INPP5D: variants seen among roughly 807,000 people sequenced by gnomAD.
The protein encoded by INPP5D is phosphatidylinositol 3,4,5-trisphosphate 5-phosphatase 1.
A neutral mutation model predicts 122.9 loss-of-function variants in INPP5D; 33 were observed. The ratio of observed to expected loss-of-function variants is 0.27; its 90% CI spans 0.20 to 0.36. INPP5D has a LOEUF of 0.36. INPP5D is among the 10% of genes least tolerant of loss of function. The probability of loss-of-function intolerance (pLI) is 1.00; values close to 1 mark genes in which losing one functional copy is unlikely to be tolerated. For missense variants in INPP5D, 1,053 were observed against 1,412.7 expected (o/e 0.75, Z 4.08); for synonymous variants, 584 against 576.2 (o/e 1.01, Z -0.19).
chr2:233,123,475 C>T (rs1287953665), intron 3 of INPP5D, among the ~76,000 whole-genome samples: 1 of 147,644 alleles, frequency 6.8e-6, no homozygotes. Flanking sequence ...AAAAATTATA[C>T]AGTCCCTAAA....
At chr2:233,060,643 A>C (rs1254205512) in intron 1 of INPP5D, 31 bp downstream of exon 1, 2 of 1,611,618 alleles carry the variant, frequency 1.2e-6, no homozygotes, top group Admixed American at 1.7e-5. Flanking sequence ...CCCCGGGCAC[A>C]GATATGACAG....
At chr2:233,126,726 A>T (rs1045655211) in intron 4 of INPP5D, among the ~76,000 whole-genome samples, 1 of 152,100 alleles carries the variant, frequency 6.6e-6, no homozygotes. Context: ...TCAAGACCAG[A>T]CTAACCAACA....
chr2:233,173,915 G>T (rs1285569505), intron 17 of INPP5D, among the ~76,000 whole-genome samples: 2 of 151,924 alleles, frequency 1.3e-5, no homozygotes, highest in Non-Finnish European at 2.9e-5. Flanking sequence ...CCTGGAGCAA[G>T]GCTCCGTCTC....
intron 2 of INPP5D, among the ~76,000 whole-genome samples, chr2:233,081,872 T>G (rs562400151): frequency 1.3e-5 from 2 of 152,166 alleles, no homozygotes; most frequent in African/African-American, 4.8e-5. Context: ...AGGAGTCTGA[T>G]GGCTCAGCCT....
intron 2 of INPP5D, among the ~76,000 whole-genome samples, chr2:233,111,961 G>C (rs532978334): frequency 1.3e-5 from 2 of 151,926 alleles, no homozygotes; most frequent in East Asian, 1.9e-4. Context: ...TACTTGGGGG[G>C]GCTGAGGTGT....
At chr2:233,152,418 G>C (rs765324324) in intron 9 of INPP5D, among the ~76,000 whole-genome samples, 16 of 152,198 alleles carry the variant, frequency 1.1e-4, no homozygotes, top group Non-Finnish European at 1.8e-4. Context: ...TGCTATGCAG[G>C]TACCAGGCTT....
intron 18 of INPP5D, among the ~76,000 whole-genome samples, chr2:233,178,114 G>A (rs570340496): frequency 1.3e-5 from 2 of 152,144 alleles, no homozygotes; most frequent in East Asian, 3.9e-4. Context: ...AAATAATTAT[G>A]GAATAAGTTA....
chr2:233,067,393 C>T (rs768426534), intron 1 of INPP5D, among the ~76,000 whole-genome samples: 1 of 152,214 alleles, frequency 6.6e-6, no homozygotes. Flanking sequence ...CCAGGGCTGA[C>T]TAATGAGCCA....
intron 20 of INPP5D, among the ~76,000 whole-genome samples, chr2:233,185,131 C>T (rs1398295892): frequency 1.3e-5 from 2 of 151,902 alleles, no homozygotes; most frequent in Non-Finnish European, 2.9e-5. Flanking sequence ...TGTGTCCAGC[C>T]GTCTTCGCTG....
chr2:233,204,921 C>G, intron 26 of INPP5D: 2 of 836,792 alleles, frequency 2.4e-6, no homozygotes, highest in East Asian at 6.4e-5. Flanking sequence ...GATTTGAACC[C>G]AGGTCTGCCT....
At chr2:233,087,969 T>C (rs965413984) in intron 2 of INPP5D, among the ~76,000 whole-genome samples, 2 of 152,132 alleles carry the variant, frequency 1.3e-5, no homozygotes, top group Admixed American at 1.3e-4. Flanking sequence ...CAGCATTGAA[T>C]TGAGCTCCTC....
intron 13 of INPP5D, among the ~76,000 whole-genome samples, chr2:233,167,272 G>A (rs1694367809): frequency 6.6e-6 from 1 of 151,488 alleles, no homozygotes; most frequent in Non-Finnish European, 1.5e-5. Context: ...TCAGGAGGCT[G>A]AGGTGGGAGG....
chr2:233,061,715 C>A (rs1241347330), intron 1 of INPP5D, among the ~76,000 whole-genome samples: 1 of 152,228 alleles, frequency 6.6e-6, no homozygotes. Context: ...CCCCACTTTG[C>A]AGATGAGAAA....
intron 3 of INPP5D, among the ~76,000 whole-genome samples, chr2:233,124,129 A>T (rs1416230170): frequency 1.3e-5 from 2 of 149,218 alleles, no homozygotes; most frequent in Non-Finnish European, 1.5e-5. Flanking sequence ...TTTTTTTTTT[A>T]AAGGCTTATT....
intron 2 of INPP5D, among the ~76,000 whole-genome samples, chr2:233,111,955 TG>T (rs138751004): frequency 0.33 from 49,381 of 150,764 alleles, 11,871 homozygotes; most frequent in African/African-American, 0.68. Context: ...CCCAGGTACT[TG>T]GGGGGGCTGA....
chr2:233,204,073 C>T, intron 25 of INPP5D, 53 bp from the exon 26 acceptor site: 1 of 1,455,074 alleles, frequency 6.9e-7, no homozygotes, highest in East Asian at 2.5e-5. Flanking sequence ...CAGCCATGCT[C>T]CCATGTCTTC....
chr2:233,146,180 C>T lies in INPP5D; in HGVS notation c.772C>T (p.Pro258Ser). 1 of 704,236 alleles carries T rather than the reference C, an allele frequency of 1.4e-6. No homozygotes were observed. The highest frequency in any genetic ancestry group is 2.6e-6 in the Non-Finnish European group (1 of 385,002). The allele number at this position is 704,236 out of a possible 1,614,324, so 43.6% of individuals were successfully genotyped here. Residue 258 changes from proline to serine, a missense_variant, in exon 7 of 27, where the codon CCC (proline) becomes TCC (serine). This residue lies in a region of INPP5D where 196 missense variants were observed against 175.6 expected (regional missense o/e 1.12). Transcript: ENST00000445964. ...CTCCCAGGTTCCTGGTGAGGCCAAT[C>T]CCATCAACATGGTGTCCAAGCTCAG... ...PRPQVPGEAN[P>S]INMVSKLSQL... is the part of the protein sequence containing the mutation.
In INPP5D at chr2:233,206,711, C is replaced by T. The variant is rs187622749; in HGVS notation, c.*3C>T. 1 of 772,340 alleles carries T rather than the reference C, an allele frequency of 1.3e-6. No individual in the cohort carries two copies. Among genetic ancestry groups the T allele is most frequent in the Non-Finnish European group, 2.4e-6 (1 of 414,310 alleles). The allele number at this position is 772,340 out of a possible 1,614,324, so 47.8% of individuals were successfully genotyped here. ...CTTCTGTTCTTGTCCCACAGTGAAG[C>T]CCTCAGTGAGCTGCCACTGAGTCGG... On this transcript the variant is annotated 3_prime_UTR_variant, in exon 27 of 27. Coordinates refer to ENST00000445964, the MANE Select transcript of INPP5D (RefSeq NM_001017915.3). The surrounding 1 kb of genome is among the most constrained non-coding windows in gnomAD (Gnocchi z 4.0).
intron 11 of INPP5D, 105 bp downstream of exon 11, chr2:233,161,931 T>C (rs983350252): frequency 6.8e-7 from 1 of 1,472,954 alleles, no homozygotes. Context: ...GTCCCCTTCC[T>C]TCCTGCCCCA....
Sources: allele counts gnomAD v4.1 joint callset (sites outside exome capture counted in the v4.1 genomes callset), GRCh38; gene constraint gnomAD v4.1.1; regional missense constraint gnomAD v4.1.1; non-coding constraint Gnocchi (gnomAD v3.1); transcripts MANE v1.5; gene names NCBI Gene and HGNC (gene_info 2026-07-23, HGNC 2026-07-21).